NTRK3: variants seen among roughly 807,000 people sequenced by gnomAD.
The protein encoded by NTRK3 is NT-3 growth factor receptor.
Under a neutral mutation model 91.7 loss-of-function variants are expected in NTRK3, and 24 were observed. The ratio of observed to expected loss-of-function variants is 0.26; its 90% CI spans 0.19 to 0.37. The LOEUF (loss-of-function observed/expected upper bound fraction) is 0.37. Ranked by LOEUF, NTRK3 falls within the 10% of genes least tolerant of loss-of-function variation. NTRK3 has a pLI of 1.00. For synonymous variants in NTRK3, 483 were observed against 404.0 expected (o/e 1.20, Z -2.34); for missense variants, 880 against 1,068.9 (o/e 0.82, Z 2.46).
At chr15:87,953,323 C>T (rs1006378199) in intron 14 of NTRK3, among the ~76,000 whole-genome samples, 3 of 152,208 alleles carry the variant, frequency 2.0e-5, no homozygotes, top group Non-Finnish European at 4.4e-5. Flanking sequence ...TGCTGCCTCT[C>T]GGGCACTAGC....
intron 5 of NTRK3, among the ~76,000 whole-genome samples, chr15:88,172,104 G>A (rs1206968164): frequency 1.3e-5 from 2 of 152,250 alleles, no homozygotes; most frequent in African/African-American, 2.4e-5. Flanking sequence ...CGCAGTGGCT[G>A]CATCACCTAG....
chr15:87,977,869 G>A, intron 14 of NTRK3: 1 of 232,788 alleles, frequency 4.3e-6, no homozygotes, highest in East Asian at 6.1e-5. Flanking sequence ...AAACCCTTAA[G>A]TGGGAATCCA....
At chr15:88,188,110 A>G (rs1378566902) in intron 3 of NTRK3, among the ~76,000 whole-genome samples, 2 of 152,130 alleles carry the variant, frequency 1.3e-5, no homozygotes, top group Non-Finnish European at 2.9e-5. Flanking sequence ...AATTTATAGC[A>G]ATGCCCAAGG....
intron 18 of NTRK3, among the ~76,000 whole-genome samples, chr15:87,878,120 C>G (rs1202208226): frequency 1.3e-5 from 2 of 152,174 alleles, no homozygotes; most frequent in African/African-American, 2.4e-5. Context: ...CCTAACTCTA[C>G]CACTGCATAA....
chr15:88,086,013 G>A (rs1026588158), intron 13 of NTRK3, among the ~76,000 whole-genome samples: 1 of 152,202 alleles, frequency 6.6e-6, no homozygotes, highest in African/African-American at 2.4e-5. Context: ...AGTCTAAGAG[G>A]CATATGTCAC....
intron 9 of NTRK3, among the ~76,000 whole-genome samples, chr15:88,135,669 G>C (rs1567496799): frequency 6.6e-6 from 1 of 152,210 alleles, no homozygotes; most frequent in Non-Finnish European, 1.5e-5. Context: ...GTGTCCTGAA[G>C]ATGTAGTTGA....
At chr15:88,179,642 A>G (rs560719037) in intron 5 of NTRK3, among the ~76,000 whole-genome samples, 1 of 152,288 alleles carries the variant, frequency 6.6e-6, no homozygotes, top group African/African-American at 2.4e-5. Flanking sequence ...CACACCCCAT[A>G]AAGGGAAAGA....
At chr15:87,950,911 G>A (rs1262929456) in intron 14 of NTRK3, among the ~76,000 whole-genome samples, 1 of 152,160 alleles carries the variant, frequency 6.6e-6, no homozygotes, top group Non-Finnish European at 1.5e-5. Flanking sequence ...AAAACAGTTG[G>A]GAGGCACACA....
intron 14 of NTRK3, among the ~76,000 whole-genome samples, chr15:88,020,146 G>A (rs1472572175): frequency 6.6e-6 from 1 of 152,210 alleles, no homozygotes; most frequent in African/African-American, 2.4e-5. Context: ...CAGGGGAGAA[G>A]GGGAATTTGT....
At chr15:87,899,014 C>T (rs2066297394) in intron 17 of NTRK3, among the ~76,000 whole-genome samples, 1 of 152,080 alleles carries the variant, frequency 6.6e-6, no homozygotes, top group Admixed American at 6.6e-5. Context: ...ACCATAACAA[C>T]TCTAATTGCA....
Position 87,931,070 on chromosome 15 carries a change from T to G in NTRK3, c.1890-1636A>C. ...TTCTTCTGTACTCCTTTTTCTTTTC[T>G]TCTTACTTTCTGCTTCTTCCACTCC... On this transcript the variant is annotated intron_variant, in intron 16 of 18. Coordinates refer to ENST00000394480, the Ensembl canonical transcript of NTRK3. 8.3e-6 allele frequency: 3 copies of G among 359,622 alleles called. No homozygotes were observed. In the Admixed American group the frequency reaches 1.1e-4, roughly 13 times the overall value. 22.3% of individuals were successfully genotyped at this position (359,622 alleles called of 1,614,324 possible).
At chr15:88,256,516 G>A in intron 1 of NTRK3, 30 bp from the exon 2 acceptor site, 1 of 490,974 alleles carries the variant, frequency 2.0e-6, no homozygotes, top group East Asian at 3.3e-5. Flanking sequence ...ACGGTGGGGA[G>A]GCAAAAAAAA....
At chr15:87,899,790 T>C (rs1369974988) in intron 17 of NTRK3, among the ~76,000 whole-genome samples, 1 of 152,190 alleles carries the variant, frequency 6.6e-6, no homozygotes, top group Non-Finnish European at 1.5e-5. Context: ...ATACAAGTCC[T>C]TCGCAGGCTA....
At chr15:87,892,842 T>C (rs1171695393) in intron 17 of NTRK3, among the ~76,000 whole-genome samples, 2 of 152,084 alleles carry the variant, frequency 1.3e-5, no homozygotes, top group Non-Finnish European at 2.9e-5. Context: ...GCAATGAAAA[T>C]ATAAATTCAA....
At chr15:88,084,976 T>G (rs187425071) in intron 13 of NTRK3, among the ~76,000 whole-genome samples, 1 of 152,182 alleles carries the variant, frequency 6.6e-6, no homozygotes, top group Non-Finnish European at 1.5e-5. Context: ...AACCTATATA[T>G]CAGGGACTGA....
chr15:88,136,954 A>G (rs997201708), intron 7 of NTRK3, among the ~76,000 whole-genome samples: 1 of 152,176 alleles, frequency 6.6e-6, no homozygotes, highest in Admixed American at 6.5e-5. Flanking sequence ...CAGTCTCCCA[A>G]TGGGGAGCTT....
At chr15:87,899,183 G>A (rs570560883) in intron 17 of NTRK3, among the ~76,000 whole-genome samples, 1 of 152,268 alleles carries the variant, frequency 6.6e-6, no homozygotes, top group Non-Finnish European at 1.5e-5. Context: ...TAAGGGATTG[G>A]ATTTGGAACT....
chr15:88,240,042 CGACACACACA>C lies in NTRK3; in HGVS notation c.248+15854_248+15863del, dbSNP rs1405127706. On this transcript the variant is annotated intron_variant, in intron 3 of 18. Transcript: ENST00000394480. The surrounding 1 kb of genome is among the most constrained non-coding windows in gnomAD (Gnocchi z 4.9). ...CCAGAACACACATATACACACACAG[CGACACACACA>C]GACACACACACACACACACACAGGA... Among the ~76,000 whole-genome samples the C allele has an allele frequency of 6.6e-6, 1 of 151,602 alleles. No homozygotes were observed. The highest frequency in any genetic ancestry group is 1.5e-5 in the Non-Finnish European group (1 of 67,932).
intron 6 of NTRK3, among the ~76,000 whole-genome samples, chr15:88,138,202 G>C (rs1212672842): frequency 6.6e-6 from 1 of 151,948 alleles, no homozygotes; most frequent in Non-Finnish European, 1.5e-5. Context: ...AGGAGATCGA[G>C]ACCATCCGGA....
Sources: allele counts gnomAD v4.1 joint callset (sites outside exome capture counted in the v4.1 genomes callset), GRCh38; gene constraint gnomAD v4.1.1; non-coding constraint Gnocchi (gnomAD v3.1); transcripts MANE v1.5; gene names NCBI Gene and HGNC (gene_info 2026-07-23, HGNC 2026-07-21).